The following DIAPH1 variants were observed in gnomAD, a reference collection of about 807,000 sequenced individuals.
DIAPH1 encodes the protein protein diaphanous homolog 1.
In DIAPH1, 46 loss-of-function variants were observed where a neutral mutation model predicts 140.7. That is an observed-to-expected ratio of 0.33 (90% CI 0.26 to 0.42). The LOEUF is 0.42. Among genes scored for constraint, DIAPH1 ranks in the 10% least tolerant of loss-of-function variants. The pLI is 1.00. For synonymous variants in DIAPH1, 565 were observed against 551.6 expected (o/e 1.02, Z -0.34); for missense variants, 1,310 against 1,558.7 (o/e 0.84, Z 2.69).
Position 141,515,903 on chromosome 5 carries a change from GTTTTCTTTAAAAAAA to G in DIAPH1, c.*933_*947del, listed in dbSNP as rs1314936425. The G allele has an allele frequency of 6.6e-6, 1 of 152,352 alleles. No homozygotes were observed. Among genetic ancestry groups the G allele is most frequent in the African/African-American group, 2.4e-5 (1 of 41,372 alleles). The allele number at this position is 152,352 out of a possible 1,614,324, so 9.4% of individuals were successfully genotyped here. On this transcript the variant is annotated 3_prime_UTR_variant, in exon 28 of 28. Transcript: ENST00000389054. ...ATGGAGGGGAAAGGGGGAAGGAACA[GTTTTCTTTAAAAAAA>G]TTTTTTTTTTCATACAAAAATAGAT... is the stretch of plus-strand genomic sequence containing the variant.
At chr5:141,595,293 T>C (rs1225660307) in intron 1 of DIAPH1, among the ~76,000 whole-genome samples, 2 of 152,024 alleles carry the variant, frequency 1.3e-5, no homozygotes, top group African/African-American at 4.8e-5. Flanking sequence ...ACACTAAGAG[T>C]GAACCCTAAT....
At chr5:141,599,886 TG>T (rs1349318727) in intron 1 of DIAPH1, among the ~76,000 whole-genome samples, 6 of 152,130 alleles carry the variant, frequency 3.9e-5, no homozygotes, top group Non-Finnish European at 7.3e-5. Context: ...TTTTGGTCTA[TG>T]TTTTTTTGTT....
intron 3 of DIAPH1, among the ~76,000 whole-genome samples, chr5:141,586,239 T>G (rs553643047): frequency 6.6e-6 from 1 of 152,112 alleles, no homozygotes; most frequent in Non-Finnish European, 1.5e-5. Flanking sequence ...AGACTCTTAA[T>G]GCACTTGGAA....
In DIAPH1 at chr5:141,527,626, G is replaced by C. The variant is rs1012562287; in HGVS notation, c.3220C>G (p.Gln1074Glu). The stretch of plus-strand genomic sequence containing the variant: ...TCATCTGTGGCAGCTGGGAAATTCT[G>C]AACATCACGTTCCACATCAGAAATT... ...KQISDVERDV[Q>E]NFPAATDEKD... Residue 1074 changes from glutamine to glutamate, a missense_variant, in exon 24 of 28, where the codon CAG (glutamine) becomes GAG (glutamate). Gln to Glu is a conservative substitution (Grantham distance 29, BLOSUM62 2). Around this residue, in one of 3 missense-constraint regions of DIAPH1, gnomAD observed 344 missense variants for 512.2 expected, o/e 0.67. Coordinates refer to ENST00000389054, the MANE Select transcript of DIAPH1 (RefSeq NM_005219.5). The C allele has an allele frequency of 1.3e-5, 21 of 1,555,678 alleles. No individual in the cohort carries two copies. Among genetic ancestry groups the C allele is most frequent in the Admixed American group, 1.8e-5 (1 of 56,172 alleles).
At chr5:141,520,686 T>TG (rs1256072732) in intron 27 of DIAPH1, among the ~76,000 whole-genome samples, 1 of 152,034 alleles carries the variant, frequency 6.6e-6, no homozygotes, top group Non-Finnish European at 1.5e-5. Flanking sequence ...CTAACACAGG[T>TG]GGTCATGAGA....
At chr5:141,529,045 G>A (rs1243132313) in intron 21 of DIAPH1, 104 bp from the exon 22 acceptor site, 8 of 1,583,146 alleles carry the variant, frequency 5.1e-6, no homozygotes, top group Non-Finnish European at 6.9e-6. Context: ...CCAGAGCAGG[G>A]AGAAGAGAGA....
intron 18 of DIAPH1, among the ~76,000 whole-genome samples, chr5:141,541,691 A>C (rs969038539): frequency 6.6e-6 from 1 of 151,630 alleles, no homozygotes; most frequent in African/African-American, 2.4e-5. Flanking sequence ...TCTCAAAAAA[A>C]AAAAAAAAAG....
intron 2 of DIAPH1, 87 bp from the exon 3 acceptor site, chr5:141,587,284 T>C: frequency 2.2e-6 from 3 of 1,361,962 alleles, no homozygotes; most frequent in Non-Finnish European, 2.0e-6. Context: ...TTTAACCTCT[T>C]ACACAGGCAT....
intron 26 of DIAPH1, among the ~76,000 whole-genome samples, chr5:141,525,017 C>G (rs1157097313): frequency 6.6e-6 from 1 of 152,118 alleles, no homozygotes; most frequent in African/African-American, 2.4e-5. Context: ...CAGCCCTCAT[C>G]CCACATGTCA....
At chr5:141,532,297 G>A (rs2099888356) in intron 19 of DIAPH1, among the ~76,000 whole-genome samples, 1 of 152,062 alleles carries the variant, frequency 6.6e-6, no homozygotes, top group South Asian at 2.1e-4. Flanking sequence ...TTAGCCTCCT[G>A]AGTAGTTGAC....
At chr5:141,530,831 G>A (rs1027228085) in intron 19 of DIAPH1, among the ~76,000 whole-genome samples, 1 of 152,072 alleles carries the variant, frequency 6.6e-6, no homozygotes, top group Non-Finnish European at 1.5e-5. Flanking sequence ...CAACATTTTC[G>A]TAAGCTTATA....
At chr5:141,591,500 A>G (rs867729894) in intron 1 of DIAPH1, among the ~76,000 whole-genome samples, 1 of 151,178 alleles carries the variant, frequency 6.6e-6, no homozygotes, top group Non-Finnish European at 1.5e-5. Context: ...CATTATATCA[A>G]TGAAGAGACT....
intron 2 of DIAPH1, 28 bp downstream of exon 2, chr5:141,588,196 A>G: frequency 6.3e-7 from 1 of 1,595,746 alleles, no homozygotes; most frequent in Non-Finnish European, 8.6e-7. Flanking sequence ...GAGCTAGAAC[A>G]TGCACATGCT....
rs2154594794 is a variant in DIAPH1 at position 141,516,764 on chromosome 5, A to T, written c.*87T>A. ...GTGGTGGGAGTGGCCACCCCAGAGG[A>T]ATATCCCCTTGAGCCTTTAGGCACA... On this transcript the variant is annotated 3_prime_UTR_variant, in exon 28 of 28. Coordinates refer to ENST00000389054, the MANE Select transcript of DIAPH1 (RefSeq NM_005219.5). The T allele has an allele frequency of 6.6e-7, 1 of 1,522,340 alleles. No homozygotes were observed. The highest frequency in any genetic ancestry group is 2.3e-4 in the Middle Eastern group (1 of 4,374). The allele number at this position is 1,522,340 out of a possible 1,614,324, so 94.3% of individuals were successfully genotyped here.
chr5:141,606,993 A>G (rs1317306672), intron 1 of DIAPH1, among the ~76,000 whole-genome samples: 1 of 151,816 alleles, frequency 6.6e-6, no homozygotes, highest in Non-Finnish European at 1.5e-5. Context: ...AAACCTTAAG[A>G]TGAGAAAAAA....
chr5:141,591,486 T>G (rs1435266805), intron 1 of DIAPH1, among the ~76,000 whole-genome samples: 1 of 150,998 alleles, frequency 6.6e-6, no homozygotes, highest in African/African-American at 2.4e-5. Flanking sequence ...CTATTACACC[T>G]CTTCATTATA....
chr5:141,564,731 T>C (rs1297968936), intron 18 of DIAPH1: 1 of 152,154 alleles, frequency 6.6e-6, no homozygotes, highest in Admixed American at 6.5e-5. Flanking sequence ...AAAGAAGAGT[T>C]TGACATGACA....
chr5:141,527,370 G>A (rs893918250), intron 24 of DIAPH1, among the ~76,000 whole-genome samples: 9 of 152,042 alleles, frequency 5.9e-5, no homozygotes, highest in Non-Finnish European at 4.4e-5. Context: ...GAGGCGTGAT[G>A]GCACCACTGC....
intron 18 of DIAPH1, among the ~76,000 whole-genome samples, chr5:141,547,190 G>C (rs954577119): frequency 1.3e-5 from 2 of 152,230 alleles, no homozygotes; most frequent in Non-Finnish European, 2.9e-5. Flanking sequence ...AAAAATCTAT[G>C]AACATTCAGC....
Sources: gnomAD v4.1 joint callset for allele counts (sites outside exome capture counted in the v4.1 genomes callset) on GRCh38, gnomAD v4.1.1 for gene constraint, gnomAD v4.1.1 regional missense constraint, MANE v1.5 for transcripts, NCBI Gene and HGNC (gene_info 2026-07-23, HGNC 2026-07-21) for gene names.